FBXO11: variants seen among roughly 807,000 people sequenced by gnomAD.
The protein encoded by FBXO11 is F-box protein 11.
Under a neutral mutation model 117.0 loss-of-function variants are expected in FBXO11, and 13 were observed. The ratio of observed to expected loss-of-function variants is 0.11; its 90% CI spans 0.07 to 0.18. The LOEUF is 0.18. Among genes scored for constraint, FBXO11 ranks in the 10% least tolerant of loss-of-function variants. The pLI is 1.00. For synonymous variants in FBXO11, 490 were observed against 380.5 expected, an observed-to-expected ratio of 1.29 and a Z score of -3.35; for missense variants, 767 against 1,164.4, an observed-to-expected ratio of 0.66 and a Z score of 4.97.
chr2:47,883,774 G>A (rs898663850), intron 1 of FBXO11: 1 of 237,862 alleles, frequency 4.2e-6, no homozygotes, highest in Admixed American at 4.1e-5. Flanking sequence ...TAAGGTGTAT[G>A]AGAATGGTAA....
In FBXO11 at chr2:47,848,239, G is replaced by A. The variant is rs557408649; in HGVS notation, c.233-8470C>T. Among the ~76,000 whole-genome samples the A allele has an allele frequency of 1.4e-4, 21 of 152,264 alleles. No homozygotes were observed. The South Asian group carries it at 4.4e-3, about 32-fold the overall frequency. The stretch of plus-strand genomic sequence containing the variant: ...GATCCCCAACCCCGGGGCCAGTTAG[G>A]AACTGGGCCACCCAGGAGGTGAGTG... On this transcript the variant is annotated intron_variant, in intron 1 of 22. Coordinates refer to ENST00000403359, the MANE Select transcript of FBXO11 (RefSeq NM_001190274.2).
intron 1 of FBXO11, among the ~76,000 whole-genome samples, chr2:47,875,819 A>G (rs1219429673): frequency 6.6e-6 from 1 of 152,206 alleles, no homozygotes; most frequent in Admixed American, 6.5e-5. Context: ...CCAAGGGTTT[A>G]GCCTTCTTCA....
chr2:47,861,128 G>C (rs1278466663), intron 1 of FBXO11, among the ~76,000 whole-genome samples: 2 of 152,054 alleles, frequency 1.3e-5, no homozygotes, highest in Non-Finnish European at 2.9e-5. Flanking sequence ...GGAATTACAG[G>C]CATGAACCAC....
chr2:47,831,244 C>T (rs1254542799), intron 11 of FBXO11, among the ~76,000 whole-genome samples: 2 of 151,446 alleles, frequency 1.3e-5, no homozygotes, highest in Admixed American at 1.3e-4. Context: ...TGGTGAAACC[C>T]TGTTTCTACT....
chr2:47,820,009 T>C (rs1671269041), intron 14 of FBXO11, among the ~76,000 whole-genome samples: 1 of 152,210 alleles, frequency 6.6e-6, no homozygotes, highest in African/African-American at 2.4e-5. Context: ...ACTCATACAG[T>C]AGTCATACTC....
intron 1 of FBXO11, chr2:47,865,837 C>T (rs943645098): frequency 7.9e-5 from 12 of 152,132 alleles, no homozygotes; most frequent in African/African-American, 2.9e-4. Context: ...CCTCAGTTTC[C>T]ACATGGGTAA....
chr2:47,822,881 TA>T (rs1287157558), intron 12 of FBXO11, among the ~76,000 whole-genome samples: 1 of 152,232 alleles, frequency 6.6e-6, no homozygotes, highest in Admixed American at 6.5e-5. Flanking sequence ...TTGATGAATT[TA>T]AAATAAAAAT....
chr2:47,877,487 TC>T (rs1289320910), intron 1 of FBXO11, among the ~76,000 whole-genome samples: 1 of 152,200 alleles, frequency 6.6e-6, no homozygotes, highest in Non-Finnish European at 1.5e-5. Flanking sequence ...CATTCTCTTT[TC>T]CCTCTGATGA....
intron 1 of FBXO11, among the ~76,000 whole-genome samples, chr2:47,899,462 C>G (rs904034472): frequency 6.6e-6 from 1 of 152,072 alleles, no homozygotes; most frequent in Non-Finnish European, 1.5e-5. Flanking sequence ...AGGAACTTTA[C>G]TATCTCTCAT....
At chr2:47,808,510 C>CT in intron 21 of FBXO11, 83 bp from the exon 22 acceptor site, 1 of 1,289,766 alleles carries the variant, frequency 7.8e-7, no homozygotes, top group Middle Eastern at 2.8e-4. Context: ...TTACTATGAC[C>CT]TTTGGCTTTA....
chr2:47,813,708 C>A, intron 17 of FBXO11, 83 bp downstream of exon 17: 1 of 1,154,652 alleles, frequency 8.7e-7, no homozygotes. Context: ...GCTGGGATTA[C>A]AGGCGTGAGC....
chr2:47,885,588 A>G (rs1416964622), intron 1 of FBXO11, among the ~76,000 whole-genome samples: 1 of 152,214 alleles, frequency 6.6e-6, no homozygotes, highest in Non-Finnish European at 1.5e-5. Flanking sequence ...AAAAGAAAAA[A>G]AAAAGAACAA....
At chr2:47,839,285 A>G (rs953380147) in intron 3 of FBXO11, 134 bp downstream of exon 3, 3 of 862,206 alleles carry the variant, frequency 3.5e-6, no homozygotes, top group South Asian at 3.9e-5. Flanking sequence ...TCAGGGTTCT[A>G]AAGTTTATTC....
At chr2:47,900,624 GTA>G (rs1678071162) in intron 1 of FBXO11, among the ~76,000 whole-genome samples, 1 of 35,664 alleles carries the variant, frequency 2.8e-5, no homozygotes, top group Non-Finnish European at 5.8e-5. Flanking sequence ...ATATACACAC[GTA>G]TACACACACG....
chr2:47,832,263 T>A, intron 11 of FBXO11, 86 bp downstream of exon 11: 1 of 1,130,176 alleles, frequency 8.8e-7, no homozygotes, highest in Non-Finnish European at 1.3e-6. Flanking sequence ...TTCAGATAAT[T>A]TGGTGATGAG....
intron 1 of FBXO11, among the ~76,000 whole-genome samples, chr2:47,872,470 T>C (rs776730836): frequency 2.1e-4 from 32 of 152,048 alleles, no homozygotes; most frequent in Middle Eastern, 6.8e-3. Flanking sequence ...ACTACAGGAG[T>C]GCGCCACCAT....
At chr2:47,863,055 C>CAAAAAAAAAAAAAAAAAAAAAAAAAAAA (rs763187950) in intron 1 of FBXO11, among the ~76,000 whole-genome samples, 1 of 73,950 alleles carries the variant, frequency 1.4e-5, no homozygotes, top group Non-Finnish European at 2.7e-5. Context: ...AACTGTGTCT[C>CAAAAAAAAAAAAAAAAAAAAAAAAAAAA]AAAAAAAAAA....
chr2:47,905,521 A>AGCGGCGGAG lies in FBXO11; in HGVS notation c.191_199dup (p.Pro64_Pro66dup), dbSNP rs977093129. On this transcript the variant is annotated inframe_insertion, in exon 1 of 23. Transcript: ENST00000403359. ...GCCGACGTTGTTCCGCTCCTGAGGC[A>AGCGGCGGAG]GCGGCGGAGGCGGCGGTGGCGGCGG... The AGCGGCGGAG allele has an allele frequency of 3.1e-5, 38 of 1,233,914 alleles. No individual in the cohort carries two copies. The highest frequency in any genetic ancestry group is 1.0e-4 in the East Asian group (3 of 28,574). The allele number at this position is 1,233,914 out of a possible 1,614,324, so 76.4% of individuals were successfully genotyped here.
In FBXO11 at chr2:47,840,251, CT is replaced by C. The variant is rs570875844; in HGVS notation, c.233-483del. Among the ~76,000 whole-genome samples, 1,382 of 151,676 alleles carry C rather than the reference CT, an allele frequency of 9.1e-3. 6 individuals carry two copies. The highest frequency in any genetic ancestry group is 0.016 in the Non-Finnish European group (1,114 of 67,844). The stretch of plus-strand genomic sequence containing the variant: ...AGCCACCACGCCCAGCCGTGGAAGA[CT>C]TTTTTTTAAAAAAAGGTGAGGAGGA... On this transcript the variant is annotated intron_variant, in intron 1 of 22. Coordinates refer to ENST00000403359, the MANE Select transcript of FBXO11 (RefSeq NM_001190274.2).
Sources: allele counts gnomAD v4.1 joint callset (sites outside exome capture counted in the v4.1 genomes callset), GRCh38; gene constraint gnomAD v4.1.1; transcripts MANE v1.5; gene names NCBI Gene and HGNC (gene_info 2026-07-23, HGNC 2026-07-21).